MVP: variants seen among roughly 807,000 people sequenced by gnomAD.
MVP encodes lung resistance-related protein.
A neutral mutation model predicts 83.5 loss-of-function variants in MVP; 62 were observed. The ratio of observed to expected loss-of-function variants is 0.74; its 90% confidence interval spans 0.61 to 0.92. The LOEUF (loss-of-function observed/expected upper bound fraction) is 0.92, where lower values mean the gene tolerates loss of function less well. Ranked by LOEUF, MVP falls within the 40% of genes least tolerant of loss-of-function variation. The pLI is 0.00. For synonymous variants in MVP, 505 were observed against 504.1 expected (o/e 1.00, Z -0.02); for missense variants, 1,000 against 1,203.4 (o/e 0.83, Z 2.50).
In MVP at chr16:29,830,600, T is replaced by C. The variant is rs1823945910; in HGVS notation, c.51T>C (p.His17=). The C allele has an allele frequency of 1.2e-6, 2 of 1,613,730 alleles. No homozygotes were observed. The highest frequency in any genetic ancestry group is 1.7e-6 in the Non-Finnish European group (2 of 1,179,964). Reference sequence around the variant, plus strand: ...GCATCCCCCCATACCACTATATCCATGTGCTGGACCAGAACAGCAACGTGT... The same window carrying C: ...GCATCCCCCCATACCACTATATCCACGTGCTGGACCAGAACAGCAACGTGT... The part of the protein sequence containing the change: ...IIRIPPYHYI[H]VLDQNSNVSR... The change falls in exon 2 of 15, where the codon CAT becomes CAC. Residue 17 remains histidine (H), a synonymous_variant. Coordinates refer to ENST00000357402, the MANE Select transcript of MVP (RefSeq NM_005115.5).
At position 29,830,621 on chromosome 16, in the gene MVP, C is replaced by T. The variant is rs113638542; in HGVS notation, c.72C>T (p.Asn24=). ...HYIHVLDQNS[N]VSRVEVGPKT... is the part of the protein sequence containing the mutation. ...TCCATGTGCTGGACCAGAACAGCAACGTGTCCCGTGTGGAGGTCGGGCCAA... is the reference window on the plus strand; with the variant it reads ...TCCATGTGCTGGACCAGAACAGCAATGTGTCCCGTGTGGAGGTCGGGCCAA... The change falls in exon 2 of 15, where the codon AAC becomes AAT. Residue 24 remains asparagine, a synonymous_variant. Transcript: ENST00000357402. 174 of 1,613,872 alleles carry T rather than the reference C, an allele frequency of 1.1e-4. 1 individual carries two copies. Among genetic ancestry groups the T allele is most frequent in the South Asian group, 5.5e-5 (5 of 91,082 alleles).
At chr16:29,837,074 T>C in intron 7 of MVP, 116 bp downstream of exon 7, 1 of 930,014 alleles carries the variant, frequency 1.1e-6, no homozygotes, top group African/African-American at 1.7e-5. Context: ...CTTCTGTGCC[T>C]TTGCATGCTT....
rs1046578916 is a variant in MVP, at chr16:29,841,671, G to A, written c.1267G>A (p.Val423Met). ...GTGGGAGAAAGAGCTGCCTCCCGGG[G>A]TGGAGGAGCTGCTGAACAAGGGGCA... ...VLWEKELPPG[V>M]EELLNKGQDP... is the part of the protein sequence containing the mutation. Residue 423 changes from valine (V) to methionine (M), a missense_variant, in exon 9 of 15, where the codon GTG becomes ATG. Coordinates refer to ENST00000357402, the MANE Select transcript of MVP (RefSeq NM_005115.5). The surrounding 1 kb of genome is among the most constrained non-coding windows in gnomAD (Gnocchi z 4.7). 4 of 1,611,694 alleles carry A rather than the reference G, an allele frequency of 2.5e-6. No homozygotes were observed. The highest frequency in any genetic ancestry group is 3.4e-6 in the Non-Finnish European group (4 of 1,179,304).
intron 7 of MVP, 83 bp downstream of exon 7, chr16:29,837,041 CCAGA>C (rs2150756002): frequency 7.8e-7 from 1 of 1,280,550 alleles, no homozygotes; most frequent in Admixed American, 2.3e-5. Context: ...CTTCTCTCCT[CCAGA>C]CGCACGTTCT....
chr16:29,823,751 G>A (rs2067382635), intron 1 of MVP, among the ~76,000 whole-genome samples: 1 of 151,582 alleles, frequency 6.6e-6, no homozygotes, highest in African/African-American at 2.4e-5. Context: ...GCTGAGGCAG[G>A]AGAATGGCAT....
chr16:29,833,066 A>G (rs978660477), intron 3 of MVP, among the ~76,000 whole-genome samples: 2 of 145,684 alleles, frequency 1.4e-5, no homozygotes, highest in African/African-American at 5.1e-5. Flanking sequence ...CTCTGTCTCA[A>G]AAAAAAAAAA....
At chr16:29,832,596 CTTTTTTT>C (rs1177021376) in intron 3 of MVP, among the ~76,000 whole-genome samples, 1 of 122,802 alleles carries the variant, frequency 8.1e-6, no homozygotes. Flanking sequence ...CGCGCCTGGC[CTTTTTTT>C]TTTTTTTTTT....
intron 3 of MVP, among the ~76,000 whole-genome samples, chr16:29,832,292 CTT>C (rs36059297): frequency 7.5e-5 from 8 of 107,298 alleles, no homozygotes; most frequent in East Asian, 2.5e-4. Flanking sequence ...ATTCTTGTAC[CTT>C]TTTTTTTTTT....
chr16:29,833,575 T>TCC lies in MVP; in HGVS notation c.322-157_322-156insCC. 4.4e-6 allele frequency: 4 copies of TCC among 911,554 alleles called. No individual in the cohort carries two copies. In the South Asian group the frequency reaches 5.2e-5, roughly 12 times the overall value. 56.5% of individuals were successfully genotyped at this position (911,554 alleles called of 1,614,324 possible). A position where few individuals can be genotyped will look rare whatever the true frequency, so the allele number is the denominator to read the frequency against. On this transcript the variant is annotated intron_variant, in intron 3 of 14. Coordinates refer to ENST00000357402, the MANE Select transcript of MVP (RefSeq NM_005115.5). ...TCCTCCTACCTCAGTCTCCCAAAGTTCTGGGATGACAGGTGTGAGCCACTG... is the reference window on the plus strand; with the variant it reads ...TCCTCCTACCTCAGTCTCCCAAAGTTCCCTGGGATGACAGGTGTGAGCCACTG...
intron 11 of MVP, among the ~76,000 whole-genome samples, 164 bp from the exon 12 acceptor site, chr16:29,845,699 G>A (rs1400874392): frequency 6.6e-6 from 1 of 152,212 alleles, no homozygotes; most frequent in Non-Finnish European, 1.5e-5. Flanking sequence ...GAATGACACT[G>A]GCTTGTGGCG....
chr16:29,847,157 G>C, intron 13 of MVP, 40 bp from the exon 14 acceptor site: 1 of 1,600,536 alleles, frequency 6.2e-7, no homozygotes, highest in South Asian at 1.1e-5. Context: ...ATTCCAGCCT[G>C]GGTCAAAAAA....
At chr16:29,826,325 G>A (rs2150750793) in intron 1 of MVP, among the ~76,000 whole-genome samples, 1 of 152,274 alleles carries the variant, frequency 6.6e-6, no homozygotes, top group African/African-American at 2.4e-5. Context: ...ATCCCATAAG[G>A]GTGAGAGCCA....
chr16:29,844,246 T>G (rs1295699051), intron 10 of MVP, among the ~76,000 whole-genome samples: 4 of 152,180 alleles, frequency 2.6e-5, no homozygotes, highest in Non-Finnish European at 5.9e-5. Flanking sequence ...AGGCATACAT[T>G]AGCATTCTCT....
At chr16:29,823,884 A>G (rs1363683789) in intron 1 of MVP, among the ~76,000 whole-genome samples, 1 of 151,562 alleles carries the variant, frequency 6.6e-6, no homozygotes, top group Non-Finnish European at 1.5e-5. Flanking sequence ...TACAATAGCA[A>G]CGGGTGAACC....
rs928987828 is a variant in MVP at position 29,845,751 on chromosome 16, A to G, written c.2022-112A>G. 24 of 829,192 alleles carry G rather than the reference A, an allele frequency of 2.9e-5. No homozygotes were observed. The African/African-American group carries it at 4.0e-4, about 14-fold the overall frequency. The allele number at this position is 829,192 out of a possible 1,614,324, so 51.4% of individuals were successfully genotyped here. On this transcript the variant is annotated intron_variant, in intron 11 of 14. Coordinates refer to ENST00000357402, the MANE Select transcript of MVP (RefSeq NM_005115.5). ...TTGAGTTGCGTATTGGGTGCCTTCTAGGGGCTGGGGTCTGTCCTGGGCACC... is the reference window on the plus strand; with the variant it reads ...TTGAGTTGCGTATTGGGTGCCTTCTGGGGGCTGGGGTCTGTCCTGGGCACC...
chr16:29,827,799 C>G (rs1256101964), intron 1 of MVP, among the ~76,000 whole-genome samples: 1 of 151,456 alleles, frequency 6.6e-6, no homozygotes, highest in Non-Finnish European at 1.5e-5. Flanking sequence ...GCCTGTAATC[C>G]CAGCTACTCG....
chr16:29,836,599 C>A, intron 6 of MVP, 123 bp from the exon 7 acceptor site: 1 of 776,882 alleles, frequency 1.3e-6, no homozygotes, highest in South Asian at 2.0e-5. Flanking sequence ...AAAACAATCC[C>A]TGGATTGGTA....
intron 8 of MVP, among the ~76,000 whole-genome samples, chr16:29,840,888 G>A (rs971084237): frequency 6.8e-6 from 1 of 148,094 alleles, no homozygotes; most frequent in Admixed American, 6.6e-5. Flanking sequence ...GCAGTGAGCC[G>A]AGATCACACC....
rs1263191600 is a variant in MVP at position 29,840,542 on chromosome 16, G to A, written c.1191+83G>A. ...TCCTCTGGGTGTGTGGAAGAGGTGG[G>A]CAGGGACTTCAGCAGCATGGAGAGC... On this transcript the variant is annotated intron_variant, in intron 8 of 14. Transcript: ENST00000357402. 4.8e-6 allele frequency: 7 copies of A among 1,464,482 alleles called. No homozygotes were observed. In the Admixed American group the frequency reaches 1.3e-4, roughly 27 times the overall value. The allele number at this position is 1,464,482 out of a possible 1,614,324, so 90.7% of individuals were successfully genotyped here. A position where few individuals can be genotyped will look rare whatever the true frequency, so the allele number is the denominator to read the frequency against.
Sources: gnomAD v4.1 joint callset for allele counts (sites outside exome capture counted in the v4.1 genomes callset) on GRCh38, gnomAD v4.1.1 for gene constraint, Gnocchi (gnomAD v3.1) non-coding constraint, MANE v1.5 for transcripts, NCBI Gene and HGNC (gene_info 2026-07-23, HGNC 2026-07-21) for gene names.